Variants in TMLHE observed in about 807,000 individuals in gnomAD.
TMLHE encodes trimethyllysine dioxygenase, mitochondrial.
TMLHE carries 18 observed loss-of-function variants against 25.7 expected under a neutral mutation model. The observed-to-expected ratio is 0.70, with a 90% CI of 0.48 to 1.04. TMLHE has a LOEUF of 1.04. Among genes scored for constraint, TMLHE ranks in the 50% least tolerant of loss-of-function variants. The probability of loss-of-function intolerance (pLI) is 0.00; values close to 1 mark genes in which losing one functional copy is unlikely to be tolerated. For missense variants in TMLHE, 236 were observed against 259.0 expected (o/e 0.91, Z 0.61); for synonymous variants, 105 against 97.0 (o/e 1.08, Z -0.49).
chrX:155,560,047 C>CCA (rs2067484405), intron 1 of TMLHE, among the ~76,000 whole-genome samples: 1 of 112,333 alleles, frequency 8.9e-6, no homozygotes, highest in African/African-American at 3.2e-5. Flanking sequence ...GTATGACAAT[C>CCA]ATTTCTTTAA....
chrX:155,532,814 C>T (rs1175469893), intron 2 of TMLHE, among the ~76,000 whole-genome samples: 1 of 109,871 alleles, frequency 9.1e-6, no homozygotes, highest in Non-Finnish European at 1.9e-5. Flanking sequence ...TTGGTCATTG[C>T]AGTGAGATGA....
intron 2 of TMLHE, among the ~76,000 whole-genome samples, chrX:155,528,354 T>A (rs2067231519): frequency 9.1e-6 from 1 of 110,357 alleles, no homozygotes; most frequent in Non-Finnish European, 1.9e-5. Flanking sequence ...TGTCAGTAGC[T>A]TCTGGGGCTC....
chrX:155,577,341 G>T (rs2067597040), intron 1 of TMLHE, among the ~76,000 whole-genome samples: 1 of 111,431 alleles, frequency 9.0e-6, no homozygotes, highest in Admixed American at 9.5e-5. Flanking sequence ...CTTTTGGGAG[G>T]CCAAGGCGGG....
intron 1 of TMLHE, among the ~76,000 whole-genome samples, chrX:155,581,786 C>T (rs1215984783): frequency 8.9e-6 from 1 of 112,046 alleles, no homozygotes; most frequent in African/African-American, 3.2e-5. Flanking sequence ...CCCCATCAAG[C>T]TACCAATGAC....
At chrX:155,549,394 G>A (rs1039966631) in intron 1 of TMLHE, among the ~76,000 whole-genome samples, 1 of 109,797 alleles carries the variant, frequency 9.1e-6, no homozygotes, top group Non-Finnish European at 1.9e-5. Flanking sequence ...TTCTGGTTGG[G>A]GAAGTTTCCT....
intron 3 of TMLHE, chrX:155,524,231 C>A: frequency 3.4e-6 from 1 of 290,179 alleles, no homozygotes; most frequent in East Asian, 5.1e-5. Context: ...TGTTCCCTGT[C>A]TTAGAGGGAA....
chrX:155,516,965 G>C (rs1470858666), intron 3 of TMLHE, among the ~76,000 whole-genome samples: 1 of 62,435 alleles, frequency 1.6e-5, no homozygotes, highest in Non-Finnish European at 3.3e-5. Flanking sequence ...CCATGTTGTA[G>C]GTTGCCTGTT....
At chrX:155,580,717 G>C (rs1186106973) in intron 1 of TMLHE, among the ~76,000 whole-genome samples, 2 of 111,512 alleles carry the variant, frequency 1.8e-5, no homozygotes, top group Admixed American at 1.9e-4. Context: ...AAGAGGGCTT[G>C]TGCAGGGAAA....
At chrX:155,583,038 T>C (rs1247954503) in intron 1 of TMLHE, among the ~76,000 whole-genome samples, 1 of 111,577 alleles carries the variant, frequency 9.0e-6, no homozygotes, top group Admixed American at 9.5e-5. Flanking sequence ...TGGATGAAGC[T>C]GGAAACCATC....
intron 1 of TMLHE, among the ~76,000 whole-genome samples, chrX:155,609,996 A>G (rs2033884451): frequency 8.9e-6 from 1 of 112,417 alleles, no homozygotes; most frequent in Non-Finnish European, 1.9e-5. Flanking sequence ...AAAATTAAAC[A>G]TACAGTTATA....
intron 1 of TMLHE, among the ~76,000 whole-genome samples, chrX:155,581,833 C>T (rs2067630615): frequency 8.9e-6 from 1 of 111,791 alleles, no homozygotes; most frequent in Non-Finnish European, 1.9e-5. Flanking sequence ...CTTTAAAGTC[C>T]ATATGGAACC....
At chrX:155,595,834 G>C (rs1184948048) in intron 1 of TMLHE, among the ~76,000 whole-genome samples, 1 of 111,760 alleles carries the variant, frequency 8.9e-6, no homozygotes, top group African/African-American at 3.2e-5. Flanking sequence ...TCTAAAGCTG[G>C]AAAATTTAAT....
At position 155,535,928 on chromosome X, in the gene TMLHE, T is replaced by A. The variant is rs148362258; in HGVS notation, c.181+9168A>T. ...CCCTTCCTTGCACTTGATGTAGCAG[T>A]CCATATAGGCCAATATGACATATTC... is the stretch of plus-strand genomic sequence containing the variant. On this transcript the variant is annotated intron_variant, in intron 2 of 7. Transcript: ENST00000334398. 1.8e-3 allele frequency among the ~76,000 whole-genome samples: 204 copies of A among 111,930 alleles called. 2 individuals are homozygous for A. In the East Asian group the frequency reaches 0.031, roughly 17 times the overall value.
In TMLHE at chrX:155,561,229, G is replaced by C. The variant is rs1385701953; in HGVS notation, c.-1-15952C>G. 9.7e-5 allele frequency among the ~76,000 whole-genome samples: 6 copies of C among 61,554 alleles called. 2 individuals carry two copies. Among genetic ancestry groups the C allele is most frequent in the Non-Finnish European group, 2.7e-4 (6 of 22,017 alleles). 53.5% of individuals were successfully genotyped at this position (61,554 alleles called of 115,157 possible). On this transcript the variant is annotated intron_variant, in intron 1 of 7. Coordinates refer to ENST00000334398, the MANE Select transcript of TMLHE (RefSeq NM_018196.4). Reference sequence around the variant, plus strand: ...ATTGACTCACAGTTCTACATGGTTGGAGAGACCTCAGGAATCTTACAATCA... The same window carrying C: ...ATTGACTCACAGTTCTACATGGTTGCAGAGACCTCAGGAATCTTACAATCA...
At chrX:155,543,588 T>A (rs1385821402) in intron 2 of TMLHE, among the ~76,000 whole-genome samples, 1 of 112,286 alleles carries the variant, frequency 8.9e-6, no homozygotes, top group East Asian at 2.8e-4. Flanking sequence ...ATTGTTAAAA[T>A]ATCTATACTA....
intron 2 of TMLHE, among the ~76,000 whole-genome samples, chrX:155,525,008 C>T (rs191342552): frequency 1.8e-5 from 2 of 111,638 alleles, no homozygotes; most frequent in African/African-American, 6.5e-5. Context: ...CATGTTGTCA[C>T]AAGGTTATCA....
rs34480066 is a variant in TMLHE at position 155,597,891 on chromosome X, C to CA, written c.-2+14900dup. Among the ~76,000 whole-genome samples, 216 of 83,751 alleles carry CA rather than the reference C, an allele frequency of 2.6e-3. 1 individual carries two copies. Among genetic ancestry groups the CA allele is most frequent in the African/African-American group, 6.2e-3 (141 of 22,772 alleles). 72.7% of individuals were successfully genotyped at this position (83,751 alleles called of 115,157 possible). On this transcript the variant is annotated intron_variant, in intron 1 of 7. Transcript: ENST00000334398. The stretch of plus-strand genomic sequence containing the variant: ...ACATTCTTCAAAATAAAATCCTTTT[C>CA]AAAAAAAAAAAAAGATGCCATCATT...
chrX:155,608,215 C>A (rs1458030140), intron 1 of TMLHE, among the ~76,000 whole-genome samples: 1 of 111,488 alleles, frequency 9.0e-6, no homozygotes, highest in East Asian at 2.8e-4. Context: ...GACATATAGA[C>A]CAATGGAACA....
chrX:155,559,749 C>G (rs2067481979), intron 1 of TMLHE, among the ~76,000 whole-genome samples: 1 of 112,514 alleles, frequency 8.9e-6, no homozygotes, highest in South Asian at 3.6e-4. Context: ...ATTTGTCCTT[C>G]TCTTTCCATT....
Sources: gnomAD v4.1 joint callset for allele counts (sites outside exome capture counted in the v4.1 genomes callset) on GRCh38, gnomAD v4.1.1 for gene constraint, MANE v1.5 for transcripts, NCBI Gene and HGNC (gene_info 2026-07-23, HGNC 2026-07-21) for gene names.